SPAG9: variants seen among roughly 807,000 people sequenced by gnomAD.
SPAG9 encodes the protein C-Jun-amino-terminal kinase-interacting protein 4.
In SPAG9, 35 loss-of-function variants were observed where a neutral mutation model predicts 166.5. That is an observed-to-expected ratio of 0.21 (90% CI 0.16 to 0.28). SPAG9 has a LOEUF of 0.28. Ranked by LOEUF, SPAG9 falls within the 10% of genes least tolerant of loss-of-function variation. The probability of loss-of-function intolerance (pLI) is 1.00; values close to 1 mark genes in which losing one functional copy is unlikely to be tolerated. For missense variants in SPAG9, 1,235 were observed against 1,603.3 expected (o/e 0.77, Z 3.92); for synonymous variants, 534 against 565.5 (o/e 0.94, Z 0.79).
At chr17:50,990,105 G>A in intron 20 of SPAG9, 1 of 555,558 alleles carries the variant, frequency 1.8e-6, no homozygotes, top group Non-Finnish European at 3.2e-6. Flanking sequence ...TTGGCTCACT[G>A]CAAGCTCCAC....
chr17:51,081,611 G>T (rs910925020), intron 1 of SPAG9, among the ~76,000 whole-genome samples: 1 of 150,510 alleles, frequency 6.6e-6, no homozygotes, highest in African/African-American at 2.5e-5. Flanking sequence ...GGTCTGGGGC[G>T]CATGCCTGTA....
intron 1 of SPAG9, among the ~76,000 whole-genome samples, chr17:51,101,364 A>T (rs1045367491): frequency 1.4e-5 from 2 of 138,344 alleles, no homozygotes; most frequent in African/African-American, 5.0e-5. Context: ...AAAAAAAAAA[A>T]AAAAAAATTA....
At chr17:51,041,966 GGGTTTTTAACCATACGTAGCTTAGCCCTA>G (rs2046855609) in intron 4 of SPAG9, among the ~76,000 whole-genome samples, 2 of 152,166 alleles carry the variant, frequency 1.3e-5, no homozygotes, top group Admixed American at 6.6e-5. Context: ...AGCTGCTGCT[GGGTTTTTAACCATACGTAGCTTAGCCCTA>G]GGGAACTTGC....
intron 21 of SPAG9, among the ~76,000 whole-genome samples, chr17:50,989,048 A>G (rs1195841109): frequency 6.6e-6 from 1 of 152,186 alleles, no homozygotes; most frequent in Non-Finnish European, 1.5e-5. Flanking sequence ...GTACAAAAAA[A>G]AAGAAAAAAA....
intron 6 of SPAG9, among the ~76,000 whole-genome samples, chr17:51,026,675 T>A: frequency 2.3e-5 from 1 of 43,730 alleles, no homozygotes; most frequent in Non-Finnish European, 6.2e-5. Flanking sequence ...TTTTCTTTTC[T>A]TTTTTTTTTT....
chr17:51,079,580 T>C lies in SPAG9; in HGVS notation c.424+4A>G. 6.2e-7 allele frequency: 1 copy of C among 1,612,328 alleles called. No homozygotes were observed. The highest frequency in any genetic ancestry group is 8.5e-7 in the Non-Finnish European group (1 of 1,179,466). On this transcript the variant is annotated splice_donor_region_variant and intron_variant, in intron 2 of 29. Coordinates refer to ENST00000262013, the MANE Select transcript of SPAG9 (RefSeq NM_001130528.3). ...GTACTTATGAGAAGAAATGTTTTAC[T>C]TACTCTGGTCAGCATAGTTTTTCGC... is the stretch of plus-strand genomic sequence containing the variant.
At chr17:51,030,501 G>T (rs902615964) in intron 6 of SPAG9, among the ~76,000 whole-genome samples, 2 of 152,086 alleles carry the variant, frequency 1.3e-5, no homozygotes, top group Non-Finnish European at 2.9e-5. Context: ...CCAAGTAAAA[G>T]TAAGTCTCTA....
chr17:50,990,945 T>C (rs1481947252), intron 19 of SPAG9, among the ~76,000 whole-genome samples: 1 of 151,368 alleles, frequency 6.6e-6, no homozygotes, highest in East Asian at 1.9e-4. Context: ...TCTTACTCTG[T>C]CGCCCAGGCT....
At chr17:51,052,983 T>C (rs558049914) in intron 3 of SPAG9, among the ~76,000 whole-genome samples, 1 of 151,822 alleles carries the variant, frequency 6.6e-6, no homozygotes, top group African/African-American at 2.4e-5. Context: ...TACTTGAACC[T>C]GGGAGGCAGA....
intron 1 of SPAG9, among the ~76,000 whole-genome samples, chr17:51,093,451 C>T (rs1245361095): frequency 6.6e-6 from 1 of 151,840 alleles, no homozygotes; most frequent in African/African-American, 2.4e-5. Context: ...GCCTGTAATC[C>T]CTGCACTTTG....
chr17:50,999,996 T>C (rs965249939), intron 13 of SPAG9, among the ~76,000 whole-genome samples: 5 of 152,200 alleles, frequency 3.3e-5, no homozygotes, highest in Non-Finnish European at 2.9e-5. Context: ...CATGCCTGAA[T>C]GATATTTAAA....
intron 5 of SPAG9, among the ~76,000 whole-genome samples, chr17:51,038,530 T>C (rs1421769631): frequency 5.9e-5 from 9 of 152,220 alleles, no homozygotes; most frequent in Non-Finnish European, 1.3e-4. Context: ...TGGATTCTTT[T>C]GGCACCCTTG....
At chr17:51,091,413 T>A (rs1255645546) in intron 1 of SPAG9, among the ~76,000 whole-genome samples, 1 of 152,234 alleles carries the variant, frequency 6.6e-6, no homozygotes, top group East Asian at 1.9e-4. Flanking sequence ...AACCTTAGAA[T>A]AACCACGATA....
chr17:51,004,488 A>G lies in SPAG9; in HGVS notation c.1476+724T>C, dbSNP rs529462116. On this transcript the variant is annotated intron_variant, in intron 12 of 29. Coordinates refer to ENST00000262013, the MANE Select transcript of SPAG9 (RefSeq NM_001130528.3). ...CTGGGTGGCTCACATCTGTAATCCCAGCACTTTGGGAGGCTGACCAGGGTG... is the reference window on the plus strand; with the variant it reads ...CTGGGTGGCTCACATCTGTAATCCCGGCACTTTGGGAGGCTGACCAGGGTG... Among the ~76,000 whole-genome samples, 42 of 152,330 alleles carry G rather than the reference A, an allele frequency of 2.8e-4. 2 individuals are homozygous for G. The South Asian group carries it at 8.3e-3, about 30-fold the overall frequency.
In SPAG9 at chr17:51,087,694, C is replaced by T. The variant is rs1485482765; in HGVS notation, c.304-7990G>A. Among the ~76,000 whole-genome samples the T allele has an allele frequency of 3.3e-5, 5 of 152,162 alleles. No homozygotes were observed. In the East Asian group the frequency reaches 9.6e-4, roughly 29 times the overall value. On this transcript the variant is annotated intron_variant, in intron 1 of 29. Coordinates refer to ENST00000262013, the MANE Select transcript of SPAG9 (RefSeq NM_001130528.3). ...CATTACTAGGTTTGTATAGTACAAG[C>T]ATGGCTGACCTTCTTTATTGTTTAA...
chr17:51,014,145 G>C (rs1335015131), intron 9 of SPAG9, 87 bp downstream of exon 9: 2 of 1,207,826 alleles, frequency 1.7e-6, no homozygotes, highest in African/African-American at 1.5e-5. Context: ...TGAGCAGTTG[G>C]GGACATTTTA....
chr17:50,992,372 G>A (rs1032496115), intron 19 of SPAG9, among the ~76,000 whole-genome samples: 3 of 152,184 alleles, frequency 2.0e-5, no homozygotes, highest in African/African-American at 7.2e-5. Flanking sequence ...TCTACCTAGA[G>A]GATAATGTAT....
At chr17:51,031,980 C>G in intron 5 of SPAG9, 1 of 593,458 alleles carries the variant, frequency 1.7e-6, no homozygotes, top group Non-Finnish European at 3.1e-6. Context: ...CATTGTTTAA[C>G]CTTTTTTTTC....
rs1187722613 is a variant in SPAG9, at chr17:51,049,220, AC to A, written c.496-1752del. On this transcript the variant is annotated intron_variant, in intron 3 of 29. Coordinates refer to ENST00000262013, the MANE Select transcript of SPAG9 (RefSeq NM_001130528.3). The stretch of plus-strand genomic sequence containing the variant: ...AGACACCAGCTCTAGAAAAAAAAAT[AC>A]AACAACTAGCAGGCACTCGCCTATA... Among the ~76,000 whole-genome samples the A allele has an allele frequency of 1.3e-4, 20 of 151,966 alleles. 1 individual carries two copies. Among genetic ancestry groups the A allele is most frequent in the South Asian group, 4.2e-4 (2 of 4,804 alleles).
Sources: allele counts gnomAD v4.1 joint callset (sites outside exome capture counted in the v4.1 genomes callset), GRCh38; gene constraint gnomAD v4.1.1; transcripts MANE v1.5; gene names NCBI Gene and HGNC (gene_info 2026-07-23, HGNC 2026-07-21).